CNBD1: variants seen among roughly 807,000 people sequenced by gnomAD.
CNBD1 encodes the protein cyclic nucleotide binding domain containing 1.
In CNBD1, 71 loss-of-function variants were observed where a neutral mutation model predicts 54.4. The ratio of observed to expected loss-of-function variants is 1.30; its 90% confidence interval spans 1.08 to 1.59. CNBD1 has a LOEUF of 1.59. Among genes scored for constraint, CNBD1 ranks in the 40% most tolerant of loss-of-function variants. CNBD1 has a pLI of 0.00. For missense variants in CNBD1, 659 were observed against 518.0 expected (o/e 1.27, Z -2.64); for synonymous variants, 182 against 170.7 (o/e 1.07, Z -0.51).
chr8:86,892,395 A>G (rs1020508548), intron 2 of CNBD1, among the ~76,000 whole-genome samples: 16 of 152,170 alleles, frequency 1.1e-4, no homozygotes, highest in African/African-American at 3.9e-4. Flanking sequence ...AAGACACAAT[A>G]TGATAGAATC....
chr8:87,411,762 A>G (rs13279866), intron 2 of CNBD1, among the ~76,000 whole-genome samples: 85,415 of 150,846 alleles, frequency 0.57, 25,677 homozygotes, highest in African/African-American at 0.77. Flanking sequence ...ATGTAAGTTC[A>G]TTGTATTTTT....
chr8:87,068,306 A>C (rs1223797894), intron 4 of CNBD1, among the ~76,000 whole-genome samples: 1 of 152,082 alleles, frequency 6.6e-6, no homozygotes, highest in African/African-American at 2.4e-5. Flanking sequence ...ATAAAATTTT[A>C]GGTAATATAT....
chr8:87,417,557 G>T (rs751172912), intron 2 of CNBD1, among the ~76,000 whole-genome samples: 1 of 151,906 alleles, frequency 6.6e-6, no homozygotes, highest in Non-Finnish European at 1.5e-5. Flanking sequence ...TACCTCTCAC[G>T]TCTCTTTGCT....
intron 4 of CNBD1, among the ~76,000 whole-genome samples, chr8:87,051,391 C>T (rs939675840): frequency 4.6e-5 from 7 of 152,084 alleles, no homozygotes; most frequent in Non-Finnish European, 8.8e-5. Context: ...AAGACCAGCT[C>T]GGCTGGGGAG....
chr8:87,389,584 G>A (rs912543093), intron 2 of CNBD1, among the ~76,000 whole-genome samples: 1 of 152,086 alleles, frequency 6.6e-6, no homozygotes, highest in Non-Finnish European at 1.5e-5. Context: ...ACAAACCACT[G>A]CTCGAAGTAA....
chr8:87,286,802 A>G (rs1056680362), intron 8 of CNBD1, 131 bp downstream of exon 8: 12 of 687,002 alleles, frequency 1.7e-5, no homozygotes, highest in African/African-American at 1.5e-4. Context: ...TGATAATAAC[A>G]TTTGAATTGG....
At chr8:87,314,770 A>G (rs2130893738) in intron 8 of CNBD1, among the ~76,000 whole-genome samples, 1 of 152,140 alleles carries the variant, frequency 6.6e-6, no homozygotes, top group East Asian at 1.9e-4. Flanking sequence ...AGAAGAGGTT[A>G]CATATATGAT....
At chr8:87,174,651 G>T (rs956815970) in intron 4 of CNBD1, among the ~76,000 whole-genome samples, 1 of 152,102 alleles carries the variant, frequency 6.6e-6, no homozygotes, top group Non-Finnish European at 1.5e-5. Context: ...GTTGGTGTCT[G>T]GGCATTGAAG....
chr8:87,425,638 AG>A (rs1204725515), intron 2 of CNBD1, among the ~76,000 whole-genome samples: 2 of 151,824 alleles, frequency 1.3e-5, no homozygotes, highest in African/African-American at 4.9e-5. Flanking sequence ...CTCGGGGGTC[AG>A]GGGTCAGGGA....
Position 87,182,594 on chromosome 8 carries a change from T to C in CNBD1, c.432-23399T>C, listed in dbSNP as rs1454921299. 1.3e-5 allele frequency among the ~76,000 whole-genome samples: 2 copies of C among 152,132 alleles called. No individual in the cohort carries two copies. The highest frequency in any genetic ancestry group is 4.8e-5 in the African/African-American group (2 of 41,430). ...TTTTAATGATAGCCATTCTGACTGA[T>C]ACGAGATGGTATCTCATCGTGGTTT... On this transcript the variant is annotated intron_variant, in intron 4 of 10. Transcript: ENST00000518476. This position sits in a 1 kb window ranked among gnomAD's most constrained non-coding sequence, Gnocchi z 4.1.
intron 4 of CNBD1, among the ~76,000 whole-genome samples, chr8:86,960,697 C>T (rs1001277524): frequency 6.6e-6 from 1 of 152,190 alleles, no homozygotes; most frequent in African/African-American, 2.4e-5. Context: ...CAAGTGGGTC[C>T]CTGATCCCTG....
intron 2 of CNBD1, among the ~76,000 whole-genome samples, chr8:87,392,030 A>T (rs1811319404): frequency 6.6e-6 from 1 of 152,088 alleles, no homozygotes; most frequent in Non-Finnish European, 1.5e-5. Flanking sequence ...CTAAAGAAGA[A>T]TGGCTGATAA....
intron 8 of CNBD1, among the ~76,000 whole-genome samples, chr8:87,307,765 T>TAA (rs1809187615): frequency 6.7e-6 from 1 of 148,996 alleles, no homozygotes; most frequent in South Asian, 2.1e-4. Flanking sequence ...TATATATATA[T>TAA]AACTTAGCAA....
chr8:87,007,689 T>A (rs754209115), intron 4 of CNBD1, among the ~76,000 whole-genome samples: 2 of 152,202 alleles, frequency 1.3e-5, no homozygotes, highest in Non-Finnish European at 2.9e-5. Flanking sequence ...ACACTTTTAT[T>A]ACAGACAAAT....
intron 5 of CNBD1, among the ~76,000 whole-genome samples, chr8:87,235,629 A>T (rs562257539): frequency 6.6e-6 from 1 of 152,144 alleles, no homozygotes; most frequent in East Asian, 1.9e-4. Context: ...AAACAATTAC[A>T]TCAATGGTAA....
intron 4 of CNBD1, among the ~76,000 whole-genome samples, chr8:87,042,133 T>A (rs1810085470): frequency 6.6e-6 from 1 of 152,196 alleles, no homozygotes; most frequent in East Asian, 1.9e-4. Context: ...TGCTCTTTGG[T>A]GCTTTTGTTT....
chr8:86,937,282 A>G (rs1421377504), intron 3 of CNBD1, among the ~76,000 whole-genome samples: 8 of 152,118 alleles, frequency 5.3e-5, no homozygotes, highest in Admixed American at 4.6e-4. Flanking sequence ...TGATTCAGAT[A>G]CCTCCCACTG....
chr8:87,366,305 T>C (rs896142421), intron 10 of CNBD1, among the ~76,000 whole-genome samples: 1 of 152,060 alleles, frequency 6.6e-6, no homozygotes, highest in Non-Finnish European at 1.5e-5. Flanking sequence ...TCCATTCAAA[T>C]TGGTAGATTT....
chr8:86,942,193 T>C (rs1173324805), intron 4 of CNBD1, among the ~76,000 whole-genome samples: 1 of 152,202 alleles, frequency 6.6e-6, no homozygotes, highest in Non-Finnish European at 1.5e-5. Flanking sequence ...AAGTAAAAGA[T>C]CAATGTATGC....
Sources: allele counts gnomAD v4.1 joint callset (sites outside exome capture counted in the v4.1 genomes callset), GRCh38; gene constraint gnomAD v4.1.1; non-coding constraint Gnocchi (gnomAD v3.1); transcripts MANE v1.5; gene names NCBI Gene and HGNC (gene_info 2026-07-23, HGNC 2026-07-21).